TSHZ2: variants seen among roughly 807,000 people sequenced by gnomAD.
TSHZ2 encodes teashirt homolog 2.
TSHZ2 carries 21 observed loss-of-function variants against 74.4 expected under a neutral mutation model. The ratio of observed to expected loss-of-function variants is 0.28; its 90% CI spans 0.20 to 0.41. The LOEUF (loss-of-function observed/expected upper bound fraction) is 0.41. Among genes scored for constraint, TSHZ2 ranks in the 10% least tolerant of loss-of-function variants. The pLI, the probability that TSHZ2 is intolerant of heterozygous loss-of-function variation, is 1.00. For missense variants in TSHZ2, 1,244 were observed against 1,293.5 expected, an observed-to-expected ratio of 0.96 and a Z score of 0.59; for synonymous variants, 540 against 515.3, an observed-to-expected ratio of 1.05 and a Z score of -0.65.
At chr20:53,182,973 C>T (rs1358011270) in intron 1 of TSHZ2, among the ~76,000 whole-genome samples, 1 of 152,184 alleles carries the variant, frequency 6.6e-6, no homozygotes, top group Non-Finnish European at 1.5e-5. Flanking sequence ...CAAACCCTTT[C>T]AGTCAGGACA....
chr20:53,306,919 G>A (rs1054216879), intron 2 of TSHZ2, among the ~76,000 whole-genome samples: 2 of 152,186 alleles, frequency 1.3e-5, no homozygotes, highest in East Asian at 3.8e-4. Flanking sequence ...CAAGCAATGT[G>A]CTAAGCATTT....
chr20:53,228,832 G>T (rs961003439), intron 1 of TSHZ2, among the ~76,000 whole-genome samples: 4 of 152,288 alleles, frequency 2.6e-5, no homozygotes, highest in African/African-American at 9.6e-5. Flanking sequence ...CCAGTTGGGG[G>T]GAAAAATGCC....
chr20:53,184,998 C>T (rs1316339585), intron 1 of TSHZ2, among the ~76,000 whole-genome samples: 1 of 152,224 alleles, frequency 6.6e-6, no homozygotes, highest in Non-Finnish European at 1.5e-5. Context: ...CTTAAATATT[C>T]AGACCATAAT....
intron 1 of TSHZ2, among the ~76,000 whole-genome samples, chr20:53,047,400 A>G (rs1462815198): frequency 6.6e-6 from 1 of 152,184 alleles, no homozygotes; most frequent in African/African-American, 2.4e-5. Context: ...ATGGTCCAAG[A>G]TGGCTGCCCT....
At chr20:53,353,837 T>G (rs1457890733) in intron 2 of TSHZ2, among the ~76,000 whole-genome samples, 1 of 152,240 alleles carries the variant, frequency 6.6e-6, no homozygotes, top group Non-Finnish European at 1.5e-5. Context: ...GAATGGACAT[T>G]AAGCATCAGT....
At chr20:53,078,845 A>G (rs1245999349) in intron 1 of TSHZ2, among the ~76,000 whole-genome samples, 1 of 152,180 alleles carries the variant, frequency 6.6e-6, no homozygotes, top group Admixed American at 6.5e-5. Context: ...TAAAAATCGT[A>G]ATTCCATTTG....
intron 1 of TSHZ2, among the ~76,000 whole-genome samples, chr20:53,043,749 G>A (rs16997439): frequency 0.15 from 23,259 of 151,766 alleles, 2,311 homozygotes; most frequent in East Asian, 0.32. Context: ...TCAAAGATAG[G>A]CAATCTTATA....
chr20:53,315,876 G>A (rs889815765), intron 2 of TSHZ2, among the ~76,000 whole-genome samples: 6 of 152,286 alleles, frequency 3.9e-5, no homozygotes, highest in African/African-American at 1.4e-4. Context: ...AATACACAGA[G>A]GCCTCCTAGA....
intron 1 of TSHZ2, among the ~76,000 whole-genome samples, chr20:53,221,360 C>G (rs777038260): frequency 2.6e-5 from 4 of 152,148 alleles, no homozygotes; most frequent in Non-Finnish European, 4.4e-5. Flanking sequence ...CATGTGAAAT[C>G]TCAATTTTTT....
intron 2 of TSHZ2, among the ~76,000 whole-genome samples, chr20:53,441,977 T>C (rs904888908): frequency 2.6e-5 from 4 of 152,218 alleles, no homozygotes; most frequent in African/African-American, 9.7e-5. Flanking sequence ...CCAAGCCATA[T>C]TCTAAAGAAA....
At chr20:53,078,975 C>T (rs1008289752) in intron 1 of TSHZ2, among the ~76,000 whole-genome samples, 1 of 151,996 alleles carries the variant, frequency 6.6e-6, no homozygotes, top group Non-Finnish European at 1.5e-5. Flanking sequence ...CATAATGAAC[C>T]CCTGGCAGTG....
chr20:53,454,584 A>C (rs1356236410), intron 2 of TSHZ2, among the ~76,000 whole-genome samples: 2 of 152,030 alleles, frequency 1.3e-5, no homozygotes, highest in Non-Finnish European at 2.9e-5. Flanking sequence ...AAAGTCTTTA[A>C]AAACTAATGT....
intron 1 of TSHZ2, among the ~76,000 whole-genome samples, chr20:53,203,191 A>ATTTT (rs34078708): frequency 1.5e-5 from 2 of 130,542 alleles, no homozygotes; most frequent in Non-Finnish European, 3.2e-5. Context: ...GCAGACTCAA[A>ATTTT]TTTTTTTTTT....
chr20:53,080,810 G>A (rs930909222), intron 1 of TSHZ2, among the ~76,000 whole-genome samples: 6 of 152,186 alleles, frequency 3.9e-5, no homozygotes, highest in African/African-American at 9.6e-5. Context: ...CTTTAGAGTC[G>A]TATCATTTTT....
chr20:53,307,995 GA>G (rs1289210943), intron 2 of TSHZ2, among the ~76,000 whole-genome samples: 1 of 152,106 alleles, frequency 6.6e-6, no homozygotes, highest in Non-Finnish European at 1.5e-5. Context: ...AGAGAAGGGA[GA>G]AAAAAATAAT....
chr20:53,063,886 A>G (rs1314328799), intron 1 of TSHZ2, among the ~76,000 whole-genome samples: 2 of 152,240 alleles, frequency 1.3e-5, no homozygotes, highest in Non-Finnish European at 2.9e-5. Context: ...CATATATTGA[A>G]TAGTAGTCTG....
chr20:53,033,651 C>CTTTTTTTTT (rs61445726), intron 1 of TSHZ2, among the ~76,000 whole-genome samples: 29 of 59,016 alleles, frequency 4.9e-4, no homozygotes, highest in East Asian at 1.3e-3. Context: ...TGATAAAAAG[C>CTTTTTTTTT]TTTTTTTTTT....
chr20:53,305,520 G>A (rs945406680), intron 2 of TSHZ2, among the ~76,000 whole-genome samples: 7 of 152,070 alleles, frequency 4.6e-5, no homozygotes, highest in Non-Finnish European at 7.4e-5. Flanking sequence ...TATAAAAAAC[G>A]CTCCTTATAC....
intron 2 of TSHZ2, among the ~76,000 whole-genome samples, chr20:53,449,767 A>ACTAT (rs1206574658): frequency 2.0e-5 from 3 of 152,172 alleles, no homozygotes; most frequent in African/African-American, 7.2e-5. Flanking sequence ...TAGACTGACT[A>ACTAT]CTATCTTATG....
Sources: allele counts gnomAD v4.1 joint callset (sites outside exome capture counted in the v4.1 genomes callset), GRCh38; gene constraint gnomAD v4.1.1; transcripts MANE v1.5; gene names NCBI Gene and HGNC (gene_info 2026-07-23, HGNC 2026-07-21).